The following RGS8 variants were observed in gnomAD, a reference collection of about 807,000 sequenced individuals.
RGS8 encodes the protein regulator of G protein signaling 8.
Under a neutral mutation model 21.7 loss-of-function variants are expected in RGS8, and 8 were observed. The ratio of observed to expected loss-of-function variants is 0.37; its 90% confidence interval spans 0.22 to 0.66. The LOEUF (loss-of-function observed/expected upper bound fraction) is 0.66, where lower values mean the gene tolerates loss of function less well. RGS8 is among the 30% of genes least tolerant of loss of function. RGS8 has a pLI of 0.59. For missense variants in RGS8, 157 were observed against 217.9 expected, an observed-to-expected ratio of 0.72 and a Z score of 1.76; for synonymous variants, 80 against 83.6, an observed-to-expected ratio of 0.96 and a Z score of 0.24.
At chr1:182,739,178 A>G in the RGS8 span, among the ~76,000 whole-genome samples, 14 of 152,348 alleles carry the variant, frequency 9.2e-5, no homozygotes, top group East Asian at 2.5e-3. Context: ...ACAATGAAAT[A>G]TGCTGGATAC....
chr1:182,738,690 A>T, the RGS8 span, among the ~76,000 whole-genome samples: 5 of 152,232 alleles, frequency 3.3e-5, no homozygotes, highest in African/African-American at 1.2e-4. Context: ...AAACAAAATT[A>T]TTTTAGCTAC....
chr1:182,689,305 A>ACACC (rs1491446835), upstream of RGS8, among the ~76,000 whole-genome samples: 53 of 130,648 alleles, frequency 4.1e-4, no homozygotes, highest in East Asian at 1.7e-3. Context: ...ACACACACAC[A>ACACC]CCCCACAAGT....
the RGS8 span, among the ~76,000 whole-genome samples, chr1:182,717,555 G>T: frequency 1.3e-5 from 2 of 152,168 alleles, no homozygotes; most frequent in Non-Finnish European, 2.9e-5. Context: ...GCAATTAAAA[G>T]AACTAAAATT....
chr1:182,702,590 G>T, the RGS8 span, among the ~76,000 whole-genome samples: 1 of 152,132 alleles, frequency 6.6e-6, no homozygotes, highest in Non-Finnish European at 1.5e-5. Flanking sequence ...TGTTGGCAAA[G>T]GGATCAGTCG....
the RGS8 span, among the ~76,000 whole-genome samples, chr1:182,725,128 G>T: frequency 6.6e-6 from 1 of 152,170 alleles, no homozygotes; most frequent in Non-Finnish European, 1.5e-5. Flanking sequence ...TGAGGAGAAA[G>T]AAAATGGTCT....
the RGS8 span, among the ~76,000 whole-genome samples, chr1:182,725,140 T>C: frequency 6.6e-6 from 1 of 152,136 alleles, no homozygotes; most frequent in African/African-American, 2.4e-5. Flanking sequence ...AAATGGTCTG[T>C]TTTGGGATCT....
chr1:182,676,115 A>G (rs1389970453), upstream of RGS8, among the ~76,000 whole-genome samples: 1 of 152,190 alleles, frequency 6.6e-6, no homozygotes, highest in Non-Finnish European at 1.5e-5. Flanking sequence ...TTGCAAACTA[A>G]CCCAATAGCC....
intron 6 of RGS8, 73 bp from the exon 8 acceptor site, chr1:182,646,990 G>T: frequency 1.6e-6 from 2 of 1,273,618 alleles, no homozygotes; most frequent in South Asian, 1.4e-5. Context: ...CCCTAACTAT[G>T]CAATAATTAT....
chr1:182,717,122 G>A, the RGS8 span, among the ~76,000 whole-genome samples: 4 of 152,156 alleles, frequency 2.6e-5, no homozygotes, highest in Admixed American at 6.5e-5. Context: ...TAAAACTAGA[G>A]CTTTACAGAA....
intron 5 of RGS8, among the ~76,000 whole-genome samples, chr1:182,653,555 G>A (rs554292019): frequency 6.6e-6 from 1 of 152,138 alleles, no homozygotes; most frequent in South Asian, 2.1e-4. Flanking sequence ...TTAGCCAGGT[G>A]CAGTGGCATG....
chr1:182,679,011 G>T (rs183842667), intron 1 of RGS8, among the ~76,000 whole-genome samples: 1 of 152,266 alleles, frequency 6.6e-6, no homozygotes, highest in Non-Finnish European at 1.5e-5. Context: ...GCCCTCAGAT[G>T]TGTCTATTTA....
the RGS8 span, among the ~76,000 whole-genome samples, chr1:182,732,612 T>C: frequency 3.9e-5 from 6 of 152,314 alleles, no homozygotes; most frequent in South Asian, 1.2e-3. Context: ...TTCTCAGACC[T>C]ACTTGAGGGG....
the RGS8 span, among the ~76,000 whole-genome samples, chr1:182,742,065 G>GGTC: frequency 6.9e-4 from 103 of 149,796 alleles, no homozygotes; most frequent in Non-Finnish European, 2.8e-4. Context: ...TCCCGGACGG[G>GGTC]GCGGCAGGGC....
the RGS8 span, among the ~76,000 whole-genome samples, chr1:182,707,629 G>A: frequency 6.6e-6 from 1 of 152,312 alleles, no homozygotes; most frequent in East Asian, 1.9e-4. Context: ...TAAGGCAACT[G>A]TGTAGTCATC....
intron 5 of RGS8, among the ~76,000 whole-genome samples, chr1:182,656,628 G>A (rs900560750): frequency 6.6e-6 from 1 of 152,208 alleles, no homozygotes; most frequent in African/African-American, 2.4e-5. Context: ...AGCCCAAAAT[G>A]TGGTGGCCTG....
chr1:182,720,910 TGTGTATATACATATATACATATATAC>T, the RGS8 span, among the ~76,000 whole-genome samples: 1 of 89,348 alleles, frequency 1.1e-5, no homozygotes, highest in African/African-American at 6.1e-5. Flanking sequence ...TACATATGTG[TGTGTATATACATATATACATATATAC>T]ATATATATAC....
upstream of RGS8, among the ~76,000 whole-genome samples, chr1:182,687,811 A>C (rs1664740304): frequency 6.6e-6 from 1 of 152,252 alleles, no homozygotes; most frequent in Admixed American, 6.5e-5. Context: ...GCCTGCAAAA[A>C]ATACAGAACC....
chr1:182,647,402 G>C (rs1265121439), intron 6 of RGS8, among the ~76,000 whole-genome samples: 6 of 152,180 alleles, frequency 3.9e-5, no homozygotes, highest in Non-Finnish European at 8.8e-5. Context: ...GCATTATAAA[G>C]GGCCTGTAGC....
upstream of RGS8, chr1:182,672,031 A>C: frequency 1.5e-6 from 1 of 679,248 alleles, no homozygotes. Flanking sequence ...GCTCAGCCTC[A>C]CTAACCTGAA....
Sources: allele counts gnomAD v4.1 joint callset (sites outside exome capture counted in the v4.1 genomes callset), GRCh38; gene constraint gnomAD v4.1.1; transcripts MANE v1.5; gene names NCBI Gene and HGNC (gene_info 2026-07-23, HGNC 2026-07-21).